COL14A1: variants seen among roughly 807,000 people sequenced by gnomAD.
The protein encoded by COL14A1 is collagen type XIV alpha 1 chain.
Under a neutral mutation model 230.3 loss-of-function variants are expected in COL14A1, and 136 were observed. The ratio of observed to expected loss-of-function variants is 0.59; its 90% CI spans 0.51 to 0.68. COL14A1 has a LOEUF of 0.68. Among genes scored for constraint, COL14A1 ranks in the 30% least tolerant of loss-of-function variants. The pLI is 0.00. For missense variants in COL14A1, 1,976 were observed against 2,215.8 expected (o/e 0.89, Z 2.17); for synonymous variants, 792 against 784.1 (o/e 1.01, Z -0.17).
At chr8:120,160,083 C>T (rs1025892834) in intron 3 of COL14A1, among the ~76,000 whole-genome samples, 2 of 152,122 alleles carry the variant, frequency 1.3e-5, no homozygotes, top group African/African-American at 4.8e-5. Flanking sequence ...CCCATGGTGG[C>T]GTACAGAAGT....
chr8:120,174,983 C>A (rs923480183), intron 5 of COL14A1, among the ~76,000 whole-genome samples: 2 of 152,140 alleles, frequency 1.3e-5, no homozygotes, highest in African/African-American at 4.8e-5. Flanking sequence ...CTCTCGTGAT[C>A]CACATTTAAC....
intron 40 of COL14A1, among the ~76,000 whole-genome samples, 187 bp downstream of exon 40, chr8:120,316,184 G>A (rs780072962): frequency 1.3e-4 from 19 of 151,984 alleles, no homozygotes; most frequent in African/African-American, 3.6e-4. Context: ...TCATTACTTC[G>A]TCAAACCCTA....
chr8:120,318,267 CAGA>C (rs371934884), intron 40 of COL14A1, among the ~76,000 whole-genome samples: 177 of 152,228 alleles, frequency 1.2e-3, no homozygotes, highest in African/African-American at 4.2e-3. Context: ...GAGAAGAATC[CAGA>C]AGAAGAGAGA....
At chr8:120,217,471 T>A (rs1817791161) in intron 14 of COL14A1, among the ~76,000 whole-genome samples, 2 of 152,210 alleles carry the variant, frequency 1.3e-5, no homozygotes, top group South Asian at 4.1e-4. Flanking sequence ...ATTGCATCAT[T>A]TCTATTTTCT....
At chr8:120,127,127 C>T (rs968632154) in intron 1 of COL14A1, among the ~76,000 whole-genome samples, 5 of 152,174 alleles carry the variant, frequency 3.3e-5, no homozygotes, top group African/African-American at 1.2e-4. Flanking sequence ...TATGGATTTG[C>T]CTATTTCGGA....
intron 14 of COL14A1, among the ~76,000 whole-genome samples, chr8:120,217,323 G>A (rs1817785009): frequency 6.6e-6 from 1 of 152,172 alleles, no homozygotes; most frequent in Non-Finnish European, 1.5e-5. Flanking sequence ...TGAAGATACA[G>A]TATCTTGCAT....
chr8:120,217,837 A>G (rs1201306174), intron 14 of COL14A1, among the ~76,000 whole-genome samples: 1 of 151,530 alleles, frequency 6.6e-6, no homozygotes, highest in African/African-American at 2.4e-5. Flanking sequence ...GTGTAGGAGG[A>G]TGAGGAAGAT....
At chr8:120,325,943 G>A (rs1362764308) in intron 40 of COL14A1, among the ~76,000 whole-genome samples, 1 of 152,196 alleles carries the variant, frequency 6.6e-6, no homozygotes, top group Non-Finnish European at 1.5e-5. Flanking sequence ...CATTCAATGA[G>A]CTTTGATTAT....
chr8:120,192,182 A>C (rs1349648081), intron 5 of COL14A1, among the ~76,000 whole-genome samples: 3 of 152,158 alleles, frequency 2.0e-5, no homozygotes, highest in South Asian at 2.1e-4. Flanking sequence ...AGTGGCTGGT[A>C]CCGGTTGTTC....
At chr8:120,328,854 GT>G (rs1821774859) in intron 40 of COL14A1, among the ~76,000 whole-genome samples, 2 of 152,158 alleles carry the variant, frequency 1.3e-5, no homozygotes, top group Admixed American at 6.5e-5. Context: ...CCCCTCACTT[GT>G]TTTTGGAATG....
chr8:120,321,979 A>G (rs1821466732), intron 40 of COL14A1, among the ~76,000 whole-genome samples: 1 of 152,150 alleles, frequency 6.6e-6, no homozygotes, highest in South Asian at 2.1e-4. Context: ...ACTGATGTCA[A>G]AGTGATTTCT....
intron 1 of COL14A1, among the ~76,000 whole-genome samples, chr8:120,128,232 T>TGTGTGTGTGTGTGTGCGCGCGCGC: frequency 8.8e-6 from 1 of 113,040 alleles, no homozygotes; most frequent in East Asian, 2.3e-4. Context: ...CGCGCGCGTG[T>TGTGTGTGTGTGTGTGCGCGCGCGC]GTGTGTGTGT....
chr8:120,270,140 G>T lies in COL14A1; in HGVS notation c.3179G>T (p.Gly1060Val), dbSNP rs1750233117. 3.1e-6 allele frequency: 5 copies of T among 1,611,184 alleles called. No individual in the cohort carries two copies. Among genetic ancestry groups the T allele is most frequent in the Non-Finnish European group, 3.4e-6 (4 of 1,178,210 alleles). The change falls in exon 26 of 48, where the codon GGA becomes GTA. Residue 1060 changes from glycine to valine, a missense_variant. Transcript: ENST00000297848. ...KIISFLYSTVGALNKIGTDGT... is the reference protein window; with the variant it reads ...KIISFLYSTVVALNKIGTDGT... ...ATCAGCTTTCTATACAGCACTGTTG[G>T]AGCCCTGAACAAGATTGGCACAGAT...
Position 120,186,299 on chromosome 8 carries a change from A to G in COL14A1, c.437-10492A>G, listed in dbSNP as rs1312899060. ...GAGCTTCCAAGAGTTCTACTGTACC[A>G]AATTCTTAGGGATTTTCTTTTGCTC... On this transcript the variant is annotated intron_variant, in intron 5 of 47. Transcript: ENST00000297848. Among the ~76,000 whole-genome samples the G allele has an allele frequency of 3.9e-5, 6 of 152,312 alleles. No homozygotes were observed. In the East Asian group the frequency reaches 1.2e-3, roughly 29 times the overall value.
At chr8:120,129,424 A>G (rs1007724531) in intron 1 of COL14A1, among the ~76,000 whole-genome samples, 1 of 152,228 alleles carries the variant, frequency 6.6e-6, no homozygotes, top group Admixed American at 6.5e-5. Context: ...AGGGAAAAAA[A>G]GCCAGGTGAA....
At chr8:120,345,291 G>T in intron 44 of COL14A1, 84 bp from the exon 45 acceptor site, 1 of 1,252,258 alleles carries the variant, frequency 8.0e-7, no homozygotes. Flanking sequence ...AGAATTGTTT[G>T]CAGCCTTAAC....
At chr8:120,343,321 C>T (rs1393856637) in intron 44 of COL14A1, among the ~76,000 whole-genome samples, 1 of 152,218 alleles carries the variant, frequency 6.6e-6, no homozygotes, top group Non-Finnish European at 1.5e-5. Context: ...CCAGCCCTCT[C>T]ACCCAATAGC....
In COL14A1 at chr8:120,224,023, C is replaced by CTTTTTTTTTTTTTTTT. The variant is rs962510256; in HGVS notation, c.1738-1059_1738-1044dup. Among the ~76,000 whole-genome samples, 17 of 78,252 alleles carry CTTTTTTTTTTTTTTTT rather than the reference C, an allele frequency of 2.2e-4. 2 individuals carry two copies. The highest frequency in any genetic ancestry group is 1.2e-3 in the South Asian group (2 of 1,654). The allele number at this position is 78,252 out of a possible 152,430, so 51.3% of individuals were successfully genotyped here. On this transcript the variant is annotated intron_variant, in intron 14 of 47. Transcript: ENST00000297848. ...GCCTTCTAGACCCTGCCCTCATCTC[C>CTTTTTTTTTTTTTTTT]TTTTTTTTTTTTTTTTTTTTTGAGA...
At chr8:120,207,354 T>C (rs1453212654) in intron 10 of COL14A1, among the ~76,000 whole-genome samples, 1 of 152,218 alleles carries the variant, frequency 6.6e-6, no homozygotes, top group Non-Finnish European at 1.5e-5. Context: ...TTCTTAAAAT[T>C]AATAAGTTCT....
Sources: gnomAD v4.1 joint callset for allele counts (sites outside exome capture counted in the v4.1 genomes callset) on GRCh38, gnomAD v4.1.1 for gene constraint, MANE v1.5 for transcripts, NCBI Gene and HGNC (gene_info 2026-07-23, HGNC 2026-07-21) for gene names.